LRRTM4: variants seen among roughly 807,000 people sequenced by gnomAD.
The protein encoded by LRRTM4 is leucine-rich repeat transmembrane neuronal protein 4.
LRRTM4 carries 25 observed loss-of-function variants against 47.6 expected under a neutral mutation model. That is an observed-to-expected ratio of 0.53 (90% CI 0.38 to 0.73). LRRTM4 has a LOEUF of 0.73. Among genes scored for constraint, LRRTM4 ranks in the 30% least tolerant of loss-of-function variants. LRRTM4 has a pLI of 0.00. For missense variants in LRRTM4, 638 were observed against 713.4 expected, an observed-to-expected ratio of 0.89 and a Z score of 1.20; for synonymous variants, 311 against 269.5, an observed-to-expected ratio of 1.15 and a Z score of -1.51.
At chr2:77,091,563 A>G (rs941948001) in intron 3 of LRRTM4, among the ~76,000 whole-genome samples, 1 of 148,284 alleles carries the variant, frequency 6.7e-6, no homozygotes, top group Non-Finnish European at 1.5e-5. Flanking sequence ...TGCCAAACCC[A>G]TATACTCTCC....
In LRRTM4 at chr2:77,394,702, G is replaced by T. The variant is rs553966980; in HGVS notation, c.1551+123616C>A. On this transcript the variant is annotated intron_variant, in intron 3 of 3. Coordinates refer to ENST00000409884, the MANE Select transcript of LRRTM4 (RefSeq NM_001134745.3). The stretch of plus-strand genomic sequence containing the variant: ...CATACTGAATGAACATGCAGGTTAC[G>T]TACAACTCATATTCACTTTGGGGTA... 5.3e-5 allele frequency among the ~76,000 whole-genome samples: 8 copies of T among 152,020 alleles called. 1 individual carries two copies. The South Asian group carries it at 1.7e-3, about 32-fold the overall frequency.
intron 3 of LRRTM4, among the ~76,000 whole-genome samples, chr2:77,342,318 T>A (rs1671402394): frequency 6.6e-6 from 1 of 152,056 alleles, no homozygotes; most frequent in East Asian, 1.9e-4. Flanking sequence ...TTATTACAAC[T>A]GTGCAGGTCA....
intron 3 of LRRTM4, among the ~76,000 whole-genome samples, chr2:77,351,887 T>A (rs1464795737): frequency 6.6e-6 from 1 of 152,116 alleles, no homozygotes; most frequent in Non-Finnish European, 1.5e-5. Flanking sequence ...TAACAATTAC[T>A]GTGAAATGTA....
In LRRTM4 at chr2:76,968,358, A is replaced by G. The variant is rs956155001; in HGVS notation, c.1552-219442T>C. Among the ~76,000 whole-genome samples the G allele has an allele frequency of 1.3e-3, 149 of 118,090 alleles. 2 individuals carry two copies. The East Asian group carries it at 0.015, about 12-fold the overall frequency. 77.5% of individuals were successfully genotyped at this position (118,090 alleles called of 152,430 possible). A position where few individuals can be genotyped will look rare whatever the true frequency, so the allele number is the denominator to read the frequency against. On this transcript the variant is annotated intron_variant, in intron 3 of 3. Transcript: ENST00000409884. ...TATGTGTGTATATATATATATATAT[A>G]TATATATATATATATATATATATAT... is the stretch of plus-strand genomic sequence containing the variant.
At chr2:77,135,067 AAAC>A (rs1226973106) in intron 3 of LRRTM4, among the ~76,000 whole-genome samples, 3 of 152,238 alleles carry the variant, frequency 2.0e-5, no homozygotes, top group Admixed American at 2.0e-4. Context: ...ATTATAGGTA[AAAC>A]AACAACAGCA....
At chr2:77,171,855 T>A (rs937658849) in intron 3 of LRRTM4, among the ~76,000 whole-genome samples, 1 of 152,098 alleles carries the variant, frequency 6.6e-6, no homozygotes, top group African/African-American at 2.4e-5. Context: ...CAAAGGCCAC[T>A]CTAGATATTC....
chr2:76,750,576 A>C (rs2104050098), intron 3 of LRRTM4, among the ~76,000 whole-genome samples: 1 of 152,294 alleles, frequency 6.6e-6, no homozygotes, highest in Middle Eastern at 3.4e-3. Flanking sequence ...TGCAGAAATT[A>C]AGTTGTTTTG....
intron 3 of LRRTM4, among the ~76,000 whole-genome samples, chr2:77,287,939 G>A (rs1252567796): frequency 6.6e-6 from 1 of 152,102 alleles, no homozygotes; most frequent in East Asian, 1.9e-4. Context: ...GGGCACTACT[G>A]TATACAACAA....
At chr2:76,994,809 T>G (rs1283475748) in intron 3 of LRRTM4, among the ~76,000 whole-genome samples, 5 of 152,006 alleles carry the variant, frequency 3.3e-5, no homozygotes, top group Non-Finnish European at 7.4e-5. Context: ...GCTGTTTTGA[T>G]GAATGTGTGA....
chr2:76,951,095 T>C (rs1269581356), intron 3 of LRRTM4, among the ~76,000 whole-genome samples: 2 of 148,620 alleles, frequency 1.3e-5, no homozygotes, highest in African/African-American at 2.4e-5. Flanking sequence ...AGAAGGTTTA[T>C]ACAAAAGTCA....
At position 77,029,266 on chromosome 2, in the gene LRRTM4, C is replaced by T. The variant is rs181356759; in HGVS notation, c.1552-280350G>A. On this transcript the variant is annotated intron_variant, in intron 3 of 3. Coordinates refer to ENST00000409884, the MANE Select transcript of LRRTM4 (RefSeq NM_001134745.3). ...AGTTTATTAGGAGTATTGACTCACA[C>T]GATCACAAGATGAAGTCCCACAATA... Among the ~76,000 whole-genome samples, 285 of 151,770 alleles carry T rather than the reference C, an allele frequency of 1.9e-3. 2 individuals are homozygous for T. The highest frequency in any genetic ancestry group is 1.9e-4 in the Non-Finnish European group (13 of 67,948).
At chr2:77,099,818 T>A (rs947149039) in intron 3 of LRRTM4, among the ~76,000 whole-genome samples, 1 of 151,974 alleles carries the variant, frequency 6.6e-6, no homozygotes, top group Non-Finnish European at 1.5e-5. Context: ...TTGAATATAA[T>A]AAAAATTACC....
chr2:77,218,301 CT>C (rs1352698121), intron 3 of LRRTM4, among the ~76,000 whole-genome samples: 2 of 152,112 alleles, frequency 1.3e-5, no homozygotes, highest in South Asian at 2.1e-4. Flanking sequence ...GCTGAGGTCT[CT>C]TTTTTTCTAC....
chr2:76,752,730 T>C (rs1303227829), intron 3 of LRRTM4, among the ~76,000 whole-genome samples: 1 of 152,224 alleles, frequency 6.6e-6, no homozygotes, highest in Non-Finnish European at 1.5e-5. Context: ...TAGTGTACAG[T>C]ACATTAACCA....
intron 3 of LRRTM4, among the ~76,000 whole-genome samples, chr2:77,204,915 A>G (rs956077573): frequency 2.0e-5 from 3 of 152,236 alleles, no homozygotes; most frequent in African/African-American, 7.2e-5. Context: ...TAAAATCAGC[A>G]TCATCCAGAA....
chr2:77,076,299 A>G (rs566423811), intron 3 of LRRTM4, among the ~76,000 whole-genome samples: 1 of 152,298 alleles, frequency 6.6e-6, no homozygotes, highest in African/African-American at 2.4e-5. Context: ...GTAGCAATAC[A>G]TATTTTTCAC....
intron 3 of LRRTM4, among the ~76,000 whole-genome samples, chr2:76,827,360 A>T (rs1410651534): frequency 6.6e-6 from 1 of 151,810 alleles, no homozygotes; most frequent in Non-Finnish European, 1.5e-5. Context: ...GGGCCTTTGC[A>T]GACAAATTTC....
intron 3 of LRRTM4, among the ~76,000 whole-genome samples, chr2:76,764,261 G>C (rs1248044393): frequency 1.3e-5 from 2 of 151,860 alleles, no homozygotes; most frequent in Non-Finnish European, 2.9e-5. Context: ...TTGCAAAAAA[G>C]AAAAAAAGAG....
rs367948629 is a variant in LRRTM4 at position 77,212,457 on chromosome 2, T to TTATATA, written c.1551+305855_1551+305860dup. ...TAATTGTTCTGAATTAGTGGAATAA[T>TTATATA]TATATATATATATATATAGAGAGAG... On this transcript the variant is annotated intron_variant, in intron 3 of 3. Coordinates refer to ENST00000409884, the MANE Select transcript of LRRTM4 (RefSeq NM_001134745.3). Among the ~76,000 whole-genome samples the TTATATA allele has an allele frequency of 3.6e-3, 529 of 145,490 alleles. 1 individual carries two copies. The highest frequency in any genetic ancestry group is 0.013 in the African/African-American group (495 of 39,124).
Sources: allele counts gnomAD v4.1 joint callset (sites outside exome capture counted in the v4.1 genomes callset), GRCh38; gene constraint gnomAD v4.1.1; transcripts MANE v1.5; gene names NCBI Gene and HGNC (gene_info 2026-07-23, HGNC 2026-07-21).